Variants in CNTNAP4 observed in about 807,000 individuals in gnomAD.
The protein encoded by CNTNAP4 is contactin associated protein family member 4, also known as contactin-associated protein-like 4.
Under a neutral mutation model 148.4 loss-of-function variants are expected in CNTNAP4, and 98 were observed. The ratio of observed to expected loss-of-function variants is 0.66; its 90% CI spans 0.56 to 0.78. CNTNAP4 has a LOEUF of 0.78. Among genes scored for constraint, CNTNAP4 ranks in the 30% least tolerant of loss-of-function variants. CNTNAP4 has a pLI of 0.00. For synonymous variants in CNTNAP4, 730 were observed against 565.1 expected, an observed-to-expected ratio of 1.29 and a Z score of -4.14; for missense variants, 1,935 against 1,565.6, an observed-to-expected ratio of 1.24 and a Z score of -3.98.
chr16:76,473,705 C>T (rs995406486), intron 10 of CNTNAP4, among the ~76,000 whole-genome samples: 1 of 151,970 alleles, frequency 6.6e-6, no homozygotes. Context: ...ACCTGGGAGG[C>T]GGAGCTTGCA....
intron 3 of CNTNAP4, among the ~76,000 whole-genome samples, chr16:76,378,951 C>G (rs957296626): frequency 6.6e-6 from 1 of 152,206 alleles, no homozygotes; most frequent in African/African-American, 2.4e-5. Context: ...ATGGCCACTT[C>G]TACAACTCAC....
intron 2 of CNTNAP4, among the ~76,000 whole-genome samples, chr16:76,346,806 C>A (rs1259755147): frequency 6.6e-6 from 1 of 152,120 alleles, no homozygotes; most frequent in African/African-American, 2.4e-5. Context: ...ATCAAATACA[C>A]AAATCAAAAT....
intron 1 of CNTNAP4, among the ~76,000 whole-genome samples, chr16:76,296,946 T>C (rs1177903532): frequency 1.3e-5 from 2 of 152,180 alleles, no homozygotes; most frequent in African/African-American, 4.8e-5. Context: ...TTGCTCTCCG[T>C]TGGCAACTGT....
At chr16:76,424,107 C>G (rs970592504) in intron 3 of CNTNAP4, among the ~76,000 whole-genome samples, 1 of 152,126 alleles carries the variant, frequency 6.6e-6, no homozygotes, top group South Asian at 2.1e-4. Flanking sequence ...TATATTTATT[C>G]TTAACGTTTT....
intron 3 of CNTNAP4, among the ~76,000 whole-genome samples, chr16:76,396,599 C>G (rs977502729): frequency 6.6e-6 from 1 of 151,966 alleles, no homozygotes; most frequent in African/African-American, 2.4e-5. Context: ...GGAAGAATGA[C>G]CTTGTGTGGT....
In CNTNAP4 at chr16:76,537,827, C is replaced by G. The variant is rs576680578; in HGVS notation, c.2996-289C>G. On this transcript the variant is annotated intron_variant, in intron 18 of 23. Transcript: ENST00000611870. ...AAATTTAAATAAAAAAGTAGATGAT[C>G]AAGGAGATAGAAGACAAGCCTGGTT... Among the ~76,000 whole-genome samples the G allele has an allele frequency of 1.2e-4, 19 of 152,030 alleles. No individual in the cohort carries two copies. In the East Asian group the frequency reaches 1.7e-3, roughly 14 times the overall value.
chr16:76,341,607 A>G (rs1161340873), intron 2 of CNTNAP4, among the ~76,000 whole-genome samples: 1 of 152,208 alleles, frequency 6.6e-6, no homozygotes, highest in African/African-American at 2.4e-5. Flanking sequence ...TAAAACATCC[A>G]TTTTTGAAAT....
chr16:76,533,780 T>C (rs2084093614), intron 17 of CNTNAP4, among the ~76,000 whole-genome samples: 1 of 152,150 alleles, frequency 6.6e-6, no homozygotes, highest in African/African-American at 2.4e-5. Context: ...ATGCCTACCA[T>C]GCCCACTTGT....
intron 3 of CNTNAP4, among the ~76,000 whole-genome samples, chr16:76,406,849 C>T (rs533124714): frequency 3.9e-5 from 6 of 152,220 alleles, no homozygotes; most frequent in South Asian, 2.1e-4. Flanking sequence ...GAGGCTGTCT[C>T]CATAACATAG....
chr16:76,514,660 A>T (rs186994585), intron 15 of CNTNAP4, among the ~76,000 whole-genome samples: 1 of 141,250 alleles, frequency 7.1e-6, no homozygotes, highest in East Asian at 2.1e-4. Flanking sequence ...CACAAGCTAT[A>T]ATTATCTCCA....
At chr16:76,373,121 TATAAATAGGTGAATATATTCCAC>T (rs1226262097) in intron 3 of CNTNAP4, among the ~76,000 whole-genome samples, 118 of 149,072 alleles carry the variant, frequency 7.9e-4, no homozygotes, top group African/African-American at 2.7e-3. Context: ...ATATATTCCA[TATAAATAGGTGAATATATTCCAC>T]ATAAATAGGT....
At chr16:76,332,292 A>G (rs1963597270) in intron 2 of CNTNAP4, among the ~76,000 whole-genome samples, 1 of 152,088 alleles carries the variant, frequency 6.6e-6, no homozygotes, top group South Asian at 2.1e-4. Flanking sequence ...ACAGGATGTC[A>G]TTCTGTTGCC....
Position 76,522,094 on chromosome 16 carries a change from A to G in CNTNAP4, c.2592A>G (p.Ser864=). Residue 864 remains serine (S), a synonymous_variant, in exon 17 of 24, where the codon TCA becomes TCG. Coordinates refer to ENST00000611870, the MANE Select transcript of CNTNAP4 (RefSeq NM_033401.5). ...TGGGGAATGGGCCTTTTGAAATCTCAGTGCAGTCACCCACCCACTTCAACG... is the reference window on the plus strand; with the variant it reads ...TGGGGAATGGGCCTTTTGAAATCTCGGTGCAGTCACCCACCCACTTCAACG... ...FDVGNGPFEI[S]VQSPTHFNDN... 3 of 1,613,906 alleles carry G rather than the reference A, an allele frequency of 1.9e-6. No homozygotes were observed. Among genetic ancestry groups the G allele is most frequent in the Non-Finnish European group, 2.5e-6 (3 of 1,179,846 alleles).
intron 3 of CNTNAP4, among the ~76,000 whole-genome samples, chr16:76,365,015 G>A (rs1455579266): frequency 1.3e-5 from 2 of 152,088 alleles, no homozygotes; most frequent in East Asian, 1.9e-4. Flanking sequence ...TAGGTCTTAC[G>A]TTTAAGTCTT....
chr16:76,466,520 T>A (rs1329296062), intron 9 of CNTNAP4, among the ~76,000 whole-genome samples: 1 of 152,142 alleles, frequency 6.6e-6, no homozygotes, highest in Admixed American at 6.6e-5. Context: ...TACCCACATA[T>A]ACACCTACCA....
rs533014561 is a variant in CNTNAP4 at position 76,448,810 on chromosome 16, C to G, written c.786C>G (p.Thr262=). The G allele has an allele frequency of 6.2e-7, 1 of 1,611,516 alleles. No homozygotes were observed. The highest frequency in any genetic ancestry group is 1.1e-5 in the South Asian group (1 of 90,394). Residue 262 remains threonine, a synonymous_variant, in exon 6 of 24, where the codon ACC becomes ACG. Transcript: ENST00000611870. ...LPSTSTLVNL[T]LGSLLDDQHW... ...CCACTTCCACCCTGGTCAATCTCACCCTGGGCAGCCTGCTAGATGATCAGC... is the reference window on the plus strand; with the variant it reads ...CCACTTCCACCCTGGTCAATCTCACGCTGGGCAGCCTGCTAGATGATCAGC...
intron 13 of CNTNAP4, among the ~76,000 whole-genome samples, chr16:76,490,849 A>G (rs534365661): frequency 5.9e-5 from 9 of 152,112 alleles, no homozygotes; most frequent in Non-Finnish European, 1.3e-4. Flanking sequence ...ATTTTTCTTT[A>G]CATATTAGAT....
chr16:76,524,814 A>G (rs1243283602), intron 17 of CNTNAP4, among the ~76,000 whole-genome samples: 1 of 152,134 alleles, frequency 6.6e-6, no homozygotes, highest in Non-Finnish European at 1.5e-5. Flanking sequence ...AGTCACTGAA[A>G]ATAAAAAAGA....
intron 3 of CNTNAP4, among the ~76,000 whole-genome samples, chr16:76,406,065 GA>G (rs1008170758): frequency 1.1e-4 from 16 of 151,180 alleles, no homozygotes; most frequent in African/African-American, 3.4e-4. Flanking sequence ...AAAATACAAA[GA>G]AAAAAAAATT....
Sources: gnomAD v4.1 joint callset for allele counts (sites outside exome capture counted in the v4.1 genomes callset) on GRCh38, gnomAD v4.1.1 for gene constraint, MANE v1.5 for transcripts, NCBI Gene and HGNC (gene_info 2026-07-23, HGNC 2026-07-21) for gene names.